Variants in NEGR1 observed in about 807,000 individuals in gnomAD.
NEGR1 encodes the protein IgLON family member 4.
Under a neutral mutation model 40.9 loss-of-function variants are expected in NEGR1, and 10 were observed. That is an observed-to-expected ratio of 0.24 (90% CI 0.15 to 0.42). NEGR1 has a LOEUF of 0.42. NEGR1 is among the 10% of genes least tolerant of loss of function. The pLI, the probability that NEGR1 is intolerant of heterozygous loss-of-function variation, is 1.00. For synonymous variants in NEGR1, 185 were observed against 166.8 expected (o/e 1.11, Z -0.84); for missense variants, 352 against 438.9 (o/e 0.80, Z 1.77).
intron 1 of NEGR1, among the ~76,000 whole-genome samples, chr1:72,101,442 G>A (rs1450235367): frequency 6.6e-6 from 1 of 152,092 alleles, no homozygotes; most frequent in East Asian, 1.9e-4. Context: ...TAAAAACTGT[G>A]CCAAATGAAG....
At chr1:71,546,592 A>G (rs2101463760) in intron 6 of NEGR1, among the ~76,000 whole-genome samples, 1 of 151,806 alleles carries the variant, frequency 6.6e-6, no homozygotes, top group Middle Eastern at 3.4e-3. Flanking sequence ...AATATTCACA[A>G]CAACTCAGAG....
At chr1:71,808,957 T>C (rs1293424863) in intron 2 of NEGR1, among the ~76,000 whole-genome samples, 1 of 152,224 alleles carries the variant, frequency 6.6e-6, no homozygotes, top group Non-Finnish European at 1.5e-5. Flanking sequence ...TAAAACCTAA[T>C]AGGAGTGTGT....
chr1:72,038,764 A>G (rs1043086142), intron 1 of NEGR1, among the ~76,000 whole-genome samples: 1 of 151,974 alleles, frequency 6.6e-6, no homozygotes, highest in African/African-American at 2.4e-5. Context: ...TCCATGAATC[A>G]CCATATTTTA....
chr1:71,579,332 T>C (rs1387524728), intron 6 of NEGR1, among the ~76,000 whole-genome samples: 2 of 152,176 alleles, frequency 1.3e-5, no homozygotes, highest in East Asian at 1.9e-4. Flanking sequence ...CTTTTCAAAA[T>C]TGACAATCTC....
intron 2 of NEGR1, among the ~76,000 whole-genome samples, chr1:71,788,942 T>G (rs577924541): frequency 6.6e-6 from 1 of 152,080 alleles, no homozygotes; most frequent in Non-Finnish European, 1.5e-5. Context: ...AACATTAAAA[T>G]AGATTAAAAA....
At chr1:71,984,201 G>T (rs1646376455) in intron 1 of NEGR1, among the ~76,000 whole-genome samples, 2 of 145,480 alleles carry the variant, frequency 1.4e-5, no homozygotes, top group South Asian at 4.9e-4. Flanking sequence ...CTAACTTTTG[G>T]CTACACAATT....
At chr1:71,825,984 T>C (rs1314575019) in intron 2 of NEGR1, among the ~76,000 whole-genome samples, 1 of 151,864 alleles carries the variant, frequency 6.6e-6, no homozygotes, top group African/African-American at 2.4e-5. Flanking sequence ...ATTTTCATTG[T>C]CCCAGGTATT....
chr1:71,815,422 C>A (rs1211930533), intron 2 of NEGR1, among the ~76,000 whole-genome samples: 1 of 152,006 alleles, frequency 6.6e-6, no homozygotes, highest in African/African-American at 2.4e-5. Flanking sequence ...TGTATCAGGT[C>A]CACTTGATCC....
chr1:71,960,342 G>A lies in NEGR1; in HGVS notation c.177-25031C>T, dbSNP rs148284404. Among the ~76,000 whole-genome samples the A allele has an allele frequency of 2.7e-3, 418 of 152,230 alleles. 2 individuals are homozygous for A. Among genetic ancestry groups the A allele is most frequent in the Admixed American group, 3.9e-3 (60 of 15,270 alleles). On this transcript the variant is annotated intron_variant, in intron 1 of 6. Coordinates refer to ENST00000357731, the MANE Select transcript of NEGR1 (RefSeq NM_173808.3). ...TGGAACTCACTTCTTGAATAAAAAT[G>A]TTCTCCTAATTCCTAGTTTTGTGTG...
intron 1 of NEGR1, among the ~76,000 whole-genome samples, chr1:72,120,375 A>T (rs1268084709): frequency 6.6e-6 from 1 of 152,020 alleles, no homozygotes; most frequent in Non-Finnish European, 1.5e-5. Flanking sequence ...GAGTATAGCT[A>T]AAAAAGAAAA....
At chr1:72,206,616 A>G (rs1445431809) in intron 1 of NEGR1, among the ~76,000 whole-genome samples, 1 of 151,746 alleles carries the variant, frequency 6.6e-6, no homozygotes, top group Non-Finnish European at 1.5e-5. Context: ...TAAATTAGAG[A>G]CCAAAAAGGC....
At chr1:71,894,485 A>G (rs1158149990) in intron 2 of NEGR1, among the ~76,000 whole-genome samples, 1 of 152,216 alleles carries the variant, frequency 6.6e-6, no homozygotes, top group East Asian at 1.9e-4. Flanking sequence ...CATGGATAAT[A>G]TCACTTCCTC....
chr1:72,138,263 A>G lies in NEGR1; in HGVS notation c.176+144056T>C, dbSNP rs2100329530. 1.3e-5 allele frequency among the ~76,000 whole-genome samples: 2 copies of G among 152,194 alleles called. 1 individual carries two copies. The highest frequency in any genetic ancestry group is 4.1e-4 in the South Asian group (2 of 4,832). Reference sequence around the variant, plus strand: ...AAAAACAATTAAAATGTAACAATAAAAAACCACTCCAATAGTCAAAAAGAA... The same window carrying G: ...AAAAACAATTAAAATGTAACAATAAGAAACCACTCCAATAGTCAAAAAGAA... On this transcript the variant is annotated intron_variant, in intron 1 of 6. Coordinates refer to ENST00000357731, the MANE Select transcript of NEGR1 (RefSeq NM_173808.3).
intron 1 of NEGR1, among the ~76,000 whole-genome samples, chr1:72,156,162 G>C (rs1651349465): frequency 6.6e-6 from 1 of 152,144 alleles, no homozygotes. Flanking sequence ...AAATATTTTA[G>C]AAATTTTCAC....
At chr1:71,509,487 C>T (rs1258338678) in intron 6 of NEGR1, among the ~76,000 whole-genome samples, 1 of 152,182 alleles carries the variant, frequency 6.6e-6, no homozygotes, top group Non-Finnish European at 1.5e-5. Flanking sequence ...CTCCATATAC[C>T]CTGGGCTTAT....
chr1:71,419,961 A>G (rs950383494), intron 6 of NEGR1, among the ~76,000 whole-genome samples: 1 of 151,980 alleles, frequency 6.6e-6, no homozygotes, highest in Non-Finnish European at 1.5e-5. Context: ...TACTGAACTC[A>G]GACACTAGTC....
chr1:71,911,019 G>T (rs1157855612), intron 2 of NEGR1, among the ~76,000 whole-genome samples: 2 of 152,016 alleles, frequency 1.3e-5, no homozygotes, highest in African/African-American at 2.4e-5. Flanking sequence ...ATTTTAACCA[G>T]AATTTCCTGT....
chr1:71,418,943 C>T (rs1002666900), intron 6 of NEGR1, among the ~76,000 whole-genome samples: 1 of 152,150 alleles, frequency 6.6e-6, no homozygotes, highest in African/African-American at 2.4e-5. Flanking sequence ...ACTTGTTTCA[C>T]ACACTTTTTG....
intron 2 of NEGR1, among the ~76,000 whole-genome samples, chr1:71,838,512 G>A (rs1295315353): frequency 6.6e-6 from 1 of 152,094 alleles, no homozygotes; most frequent in Non-Finnish European, 1.5e-5. Flanking sequence ...GATACATTAA[G>A]GTGTTGATAA....
Sources: allele counts gnomAD v4.1 joint callset (sites outside exome capture counted in the v4.1 genomes callset), GRCh38; gene constraint gnomAD v4.1.1; transcripts MANE v1.5; gene names NCBI Gene and HGNC (gene_info 2026-07-23, HGNC 2026-07-21).